USP25: variants seen among roughly 807,000 people sequenced by gnomAD.
USP25 encodes the protein ubiquitin specific peptidase 25.
Under a neutral mutation model 158.5 loss-of-function variants are expected in USP25, and 85 were observed. The ratio of observed to expected loss-of-function variants is 0.54; its 90% CI spans 0.45 to 0.64. The LOEUF is 0.64. USP25 is among the 30% of genes least tolerant of loss of function. The pLI, the probability that USP25 is intolerant of heterozygous loss-of-function variation, is 0.00. For missense variants in USP25, 1,242 were observed against 1,327.3 expected (o/e 0.94, Z 1.00); for synonymous variants, 464 against 460.4 (o/e 1.01, Z -0.10).
chr21:15,828,142 A>T (rs2037618756), intron 14 of USP25, among the ~76,000 whole-genome samples: 1 of 152,178 alleles, frequency 6.6e-6, no homozygotes, highest in South Asian at 2.1e-4. Context: ...TTGAAAAAGA[A>T]TGGCCCTAAT....
intron 10 of USP25, among the ~76,000 whole-genome samples, chr21:15,820,488 T>A (rs2037177289): frequency 1.3e-5 from 2 of 151,964 alleles, no homozygotes; most frequent in African/African-American, 4.8e-5. Flanking sequence ...GATGGTTCTC[T>A]ATTTTAGCAG....
chr21:15,859,701 C>T (rs1371166187), intron 20 of USP25, among the ~76,000 whole-genome samples: 1 of 151,954 alleles, frequency 6.6e-6, no homozygotes, highest in East Asian at 1.9e-4. Flanking sequence ...TTATATTTTT[C>T]TAGATTATTA....
chr21:15,849,083 C>G (rs2038766209), intron 19 of USP25, among the ~76,000 whole-genome samples: 1 of 152,126 alleles, frequency 6.6e-6, no homozygotes, highest in Non-Finnish European at 1.5e-5. Context: ...ATTATGGGAA[C>G]TGGCATGTTT....
intron 4 of USP25, among the ~76,000 whole-genome samples, chr21:15,781,438 A>G (rs566288971): frequency 1.3e-5 from 2 of 152,350 alleles, no homozygotes; most frequent in East Asian, 3.9e-4. Flanking sequence ...CTCATCCATC[A>G]CAATGGCTAA....
chr21:15,873,949 G>C (rs905570457), intron 23 of USP25, among the ~76,000 whole-genome samples: 6 of 150,134 alleles, frequency 4.0e-5, no homozygotes, highest in Admixed American at 6.6e-5. Context: ...AACTAAAACT[G>C]TCTGCACATA....
intron 10 of USP25, among the ~76,000 whole-genome samples, chr21:15,819,523 G>C (rs1051714568): frequency 7.2e-5 from 11 of 152,224 alleles, no homozygotes; most frequent in Admixed American, 6.5e-4. Context: ...ATTGCTGATA[G>C]TTGTCTAGCT....
chr21:15,771,600 G>T (rs1055985643), intron 3 of USP25, among the ~76,000 whole-genome samples: 29 of 152,084 alleles, frequency 1.9e-4, no homozygotes, highest in Non-Finnish European at 3.4e-4. Flanking sequence ...CTGATCTCTT[G>T]CTGCACATCC....
At position 15,878,554 on chromosome 21, in the gene USP25, G is replaced by A. The variant is rs1190741179; in HGVS notation, c.*79G>A. ...TGCCTTCCTGTCACAGGGTTTGCTTGTTGCTGCTATAGTTTTTAACTTTTT... is the reference window on the plus strand; with the variant it reads ...TGCCTTCCTGTCACAGGGTTTGCTTATTGCTGCTATAGTTTTTAACTTTTT... On this transcript the variant is annotated 3_prime_UTR_variant, in exon 26 of 26. Coordinates refer to ENST00000400183, the MANE Select transcript of USP25 (RefSeq NM_001283041.3). 36 of 1,457,530 alleles carry A rather than the reference G, an allele frequency of 2.5e-5. No individual in the cohort carries two copies. The highest frequency in any genetic ancestry group is 3.3e-5 in the Non-Finnish European group (36 of 1,090,042). The allele number at this position is 1,457,530 out of a possible 1,614,324, so 90.3% of individuals were successfully genotyped here.
intron 21 of USP25, among the ~76,000 whole-genome samples, chr21:15,865,567 G>A (rs1456166658): frequency 6.6e-6 from 1 of 152,132 alleles, no homozygotes; most frequent in African/African-American, 2.4e-5. Flanking sequence ...TGATACATGC[G>A]ACTGCAGAGA....
chr21:15,730,355 G>T lies in USP25; in HGVS notation c.-39G>T. The T allele has an allele frequency of 8.5e-7, 1 of 1,172,348 alleles. No individual in the cohort carries two copies. The highest frequency in any genetic ancestry group is 1.1e-6 in the Non-Finnish European group (1 of 952,186). 72.6% of individuals were successfully genotyped at this position (1,172,348 alleles called of 1,614,324 possible). ...GGGCCGGCGGAGGCGCGAGGAGCCG[G>T]GCGCCACCGCCGCCGCCGCCGCCGC... On this transcript the variant is annotated 5_prime_UTR_variant, in exon 1 of 26. Transcript: ENST00000400183.
intron 3 of USP25, chr21:15,773,167 G>T (rs1428325159): frequency 6.6e-6 from 1 of 152,222 alleles, no homozygotes; most frequent in African/African-American, 2.4e-5. Context: ...TCCCAGCTGG[G>T]GTACAGGTGT....
chr21:15,851,471 C>T (rs1299007499), intron 20 of USP25, among the ~76,000 whole-genome samples: 1 of 151,342 alleles, frequency 6.6e-6, no homozygotes, highest in African/African-American at 2.4e-5. Flanking sequence ...GCGTCGCATA[C>T]ATACACTGAG....
At chr21:15,874,274 A>G (rs1220987076) in intron 23 of USP25, 129 bp from the exon 24 acceptor site, 4 of 816,690 alleles carry the variant, frequency 4.9e-6, no homozygotes, top group Non-Finnish European at 5.4e-6. Context: ...ACTGCGTCAG[A>G]TGATATTTTT....
At chr21:15,835,392 A>G (rs1371696907) in intron 17 of USP25, among the ~76,000 whole-genome samples, 2 of 152,140 alleles carry the variant, frequency 1.3e-5, no homozygotes, top group African/African-American at 4.8e-5. Context: ...TAATATTCCT[A>G]TCTATTAAGG....
intron 4 of USP25, among the ~76,000 whole-genome samples, chr21:15,787,057 G>A (rs1020650796): frequency 2.0e-5 from 3 of 152,024 alleles, no homozygotes; most frequent in Non-Finnish European, 4.4e-5. Context: ...TAACCAAAGA[G>A]ATAAAAGATC....
chr21:15,783,829 G>A (rs777470372), intron 4 of USP25, among the ~76,000 whole-genome samples: 3 of 151,658 alleles, frequency 2.0e-5, no homozygotes, highest in Admixed American at 1.3e-4. Flanking sequence ...AATTAGCCAG[G>A]CATGGTGGTG....
chr21:15,828,814 T>G (rs1381961176), intron 14 of USP25, among the ~76,000 whole-genome samples: 1 of 152,094 alleles, frequency 6.6e-6, no homozygotes, highest in Non-Finnish European at 1.5e-5. Context: ...AATTTTTGTA[T>G]TTTTAGTAGA....
chr21:15,733,933 A>T (rs545802995), intron 1 of USP25, among the ~76,000 whole-genome samples: 17 of 152,342 alleles, frequency 1.1e-4, no homozygotes, highest in Middle Eastern at 3.4e-3. Context: ...GAAAGACAGG[A>T]TGTGGGATAG....
chr21:15,730,672 G>A (rs940319134), intron 1 of USP25, among the ~76,000 whole-genome samples: 6 of 152,226 alleles, frequency 3.9e-5, no homozygotes, highest in African/African-American at 1.4e-4. Context: ...TTGTTTTCCC[G>A]TAGCAGACGG....
Sources: allele counts gnomAD v4.1 joint callset (sites outside exome capture counted in the v4.1 genomes callset), GRCh38; gene constraint gnomAD v4.1.1; transcripts MANE v1.5; gene names NCBI Gene and HGNC (gene_info 2026-07-23, HGNC 2026-07-21).